Variants in PPP1R7 observed in about 807,000 individuals in gnomAD.
The protein encoded by PPP1R7 is protein phosphatase 1 regulatory subunit 7.
In PPP1R7, 18 loss-of-function variants were observed where a neutral mutation model predicts 45.2. The observed-to-expected ratio is 0.40, with a 90% CI of 0.28 to 0.59. The LOEUF (loss-of-function observed/expected upper bound fraction) is 0.59. PPP1R7 is among the 20% of genes least tolerant of loss of function. PPP1R7 has a pLI of 0.46. For synonymous variants in PPP1R7, 181 were observed against 183.4 expected (o/e 0.99, Z 0.11); for missense variants, 314 against 455.8 (o/e 0.69, Z 2.83).
Position 241,182,901 on chromosome 2 carries a change from C to G in PPP1R7, c.*78C>G. 1 of 1,495,452 alleles carries G rather than the reference C, an allele frequency of 6.7e-7. No homozygotes were observed. Among genetic ancestry groups the G allele is most frequent in the East Asian group, 2.3e-5 (1 of 42,592 alleles). 92.6% of individuals were successfully genotyped at this position (1,495,452 alleles called of 1,614,324 possible). A position where few individuals can be genotyped will look rare whatever the true frequency, so the allele number is the denominator to read the frequency against. The stretch of plus-strand genomic sequence containing the variant: ...CGGGTTTTTAACCCACCTGTTGCTC[C>G]TGAGGTCGTCACTATATCAACAGTC... On this transcript the variant is annotated 3_prime_UTR_variant, in exon 10 of 10. Coordinates refer to ENST00000234038, the MANE Select transcript of PPP1R7 (RefSeq NM_002712.3).
intron 8 of PPP1R7, among the ~76,000 whole-genome samples, chr2:241,168,984 G>A (rs1328285356): frequency 1.3e-5 from 2 of 152,216 alleles, no homozygotes; most frequent in Non-Finnish European, 2.9e-5. Flanking sequence ...AATGAACTTT[G>A]TCAGAGGTTC....
chr2:241,175,128 T>C (rs556627408), intron 9 of PPP1R7, among the ~76,000 whole-genome samples: 5 of 152,340 alleles, frequency 3.3e-5, no homozygotes, highest in Admixed American at 3.3e-4. Flanking sequence ...GCAGGGAAAT[T>C]AGTGTTTGGT....
chr2:241,151,507 G>A, intron 1 of PPP1R7: 1 of 471,224 alleles, frequency 2.1e-6, no homozygotes. Context: ...TAGGGTGAGG[G>A]AAAAGAGCAA....
Position 241,153,516 on chromosome 2 carries a change from A to G in PPP1R7, c.93A>G (p.Glu31=), listed in dbSNP as rs1218462254. 1.2e-6 allele frequency: 2 copies of G among 1,614,246 alleles called. No individual in the cohort carries two copies. Among genetic ancestry groups the G allele is most frequent in the South Asian group, 2.2e-5 (2 of 91,084 alleles). Residue 31 remains glutamate, a synonymous_variant, in exon 2 of 10, where the codon GAA becomes GAG. Coordinates refer to ENST00000234038, the MANE Select transcript of PPP1R7 (RefSeq NM_002712.3). The part of the protein sequence containing the change: ...RVESEESGDE[E]GKKHSSGIVA... The stretch of plus-strand genomic sequence containing the variant: ...AGTCTGAAGAATCCGGCGATGAAGA[A>G]GGGAAGAAACACAGCAGTGGCATCG...
rs145739125 is a variant in PPP1R7 at position 241,165,128 on chromosome 2, G to T, written c.715-1209G>T. Reference sequence around the variant, plus strand: ...TTACACTTTAAAATTATTAAATCAGGTAAACCTTCACCAAATGTATCTTTT... The same window carrying T: ...TTACACTTTAAAATTATTAAATCAGTTAAACCTTCACCAAATGTATCTTTT... On this transcript the variant is annotated intron_variant, in intron 7 of 9. Coordinates refer to ENST00000234038, the MANE Select transcript of PPP1R7 (RefSeq NM_002712.3). 1.4e-4 allele frequency among the ~76,000 whole-genome samples: 22 copies of T among 152,220 alleles called. No homozygotes were observed. In the East Asian group the frequency reaches 4.0e-3, roughly 28 times the overall value.
intron 9 of PPP1R7, among the ~76,000 whole-genome samples, chr2:241,170,420 A>G (rs2067792445): frequency 6.6e-6 from 1 of 152,206 alleles, no homozygotes; most frequent in African/African-American, 2.4e-5. Context: ...AACAGAATAT[A>G]AGAAGTTTTT....
rs1172545435 is a variant in PPP1R7 at position 241,183,258 on chromosome 2, G to A, written c.*435G>A. ...TGGTGTGCAGGGTTCAGGCAGTCTTGACCTGCAACAACCGAGGTTTTTTAG... is the reference window on the plus strand; with the variant it reads ...TGGTGTGCAGGGTTCAGGCAGTCTTAACCTGCAACAACCGAGGTTTTTTAG... On this transcript the variant is annotated 3_prime_UTR_variant, in exon 10 of 10. Coordinates refer to ENST00000234038, the MANE Select transcript of PPP1R7 (RefSeq NM_002712.3). 2.5e-6 allele frequency: 1 copy of A among 403,494 alleles called. No individual in the cohort carries two copies. The highest frequency in any genetic ancestry group is 5.1e-6 in the Non-Finnish European group (1 of 197,720). The allele number at this position is 403,494 out of a possible 1,614,324, so 25.0% of individuals were successfully genotyped here.
chr2:241,157,706 T>G, intron 2 of PPP1R7, 101 bp from the exon 3 acceptor site: 1 of 1,172,916 alleles, frequency 8.5e-7, no homozygotes, highest in Non-Finnish European at 1.2e-6. Context: ...TTGAGCTGGC[T>G]CTGGGCACCA....
rs78195804 is a variant in PPP1R7 at position 241,157,071 on chromosome 2, C to T, written c.182-736C>T. ...AAGTGCTTAACAGGGAAGCTGTCGC[C>T]TCAGCAGGGAGAGCAGCTCTCTCCC... On this transcript the variant is annotated intron_variant, in intron 2 of 9. Transcript: ENST00000234038. Among the ~76,000 whole-genome samples, 219 of 152,262 alleles carry T rather than the reference C, an allele frequency of 1.4e-3. 7 individuals are homozygous for T. The East Asian group carries it at 0.039, about 27-fold the overall frequency.
At chr2:241,163,499 G>T in intron 7 of PPP1R7, 98 bp downstream of exon 7, 2 of 820,944 alleles carry the variant, frequency 2.4e-6, no homozygotes, top group South Asian at 3.2e-5. Flanking sequence ...CTTCACAATT[G>T]GCACTTCGTT....
intron 9 of PPP1R7, 48 bp downstream of exon 9, chr2:241,169,915 C>G (rs376747668): frequency 2.9e-6 from 4 of 1,400,228 alleles, no homozygotes; most frequent in Admixed American, 1.7e-5. Context: ...CTAAACTGGT[C>G]TCACTGATTA....
At chr2:241,166,297 T>A in intron 7 of PPP1R7, 40 bp from the exon 8 acceptor site, 1 of 1,521,888 alleles carries the variant, frequency 6.6e-7, no homozygotes, top group Non-Finnish European at 9.1e-7. Flanking sequence ...TTTCATACCT[T>A]CTGTACTGTT....
In PPP1R7 at chr2:241,182,972, G is replaced by A. The variant is rs1559431621; in HGVS notation, c.*149G>A. On this transcript the variant is annotated 3_prime_UTR_variant, in exon 10 of 10. Transcript: ENST00000234038. The stretch of plus-strand genomic sequence containing the variant: ...GGCACTGACGATAGCTGGCGCGCGC[G>A]ACGTCACACACCATTTTCAGATGCC... 9 of 834,268 alleles carry A rather than the reference G, an allele frequency of 1.1e-5. No homozygotes were observed. The highest frequency in any genetic ancestry group is 2.7e-5 in the East Asian group (1 of 37,082). The allele number at this position is 834,268 out of a possible 1,614,324, so 51.7% of individuals were successfully genotyped here. A position where few individuals can be genotyped will look rare whatever the true frequency, so the allele number is the denominator to read the frequency against.
chr2:241,162,773 C>T (rs1414190978), intron 6 of PPP1R7, among the ~76,000 whole-genome samples: 1 of 151,488 alleles, frequency 6.6e-6, no homozygotes, highest in Admixed American at 6.6e-5. Flanking sequence ...AGCTCTGCCT[C>T]CTGGGTTCAC....
chr2:241,166,814 C>T (rs118134803), intron 8 of PPP1R7, among the ~76,000 whole-genome samples: 2,262 of 152,322 alleles, frequency 0.015, 82 homozygotes, highest in East Asian at 0.1. Flanking sequence ...GTAAAGGGCC[C>T]TGTATGAGGG....
intron 4 of PPP1R7, 170 bp from the exon 5 acceptor site, chr2:241,159,043 T>C (rs1172049948): frequency 2.6e-6 from 2 of 766,824 alleles, no homozygotes; most frequent in Non-Finnish European, 2.1e-6. Flanking sequence ...TATAGCTTAG[T>C]GCCCTTGCCC....
chr2:241,154,854 G>T (rs1175401976), intron 2 of PPP1R7, among the ~76,000 whole-genome samples: 1 of 152,230 alleles, frequency 6.6e-6, no homozygotes, highest in East Asian at 1.9e-4. Context: ...TACAGTGTAT[G>T]AATAATCATG....
chr2:241,149,690 C>G, upstream of PPP1R7: 1 of 1,550,176 alleles, frequency 6.5e-7, no homozygotes, highest in Admixed American at 1.9e-5. Flanking sequence ...GGTTTCCTCC[C>G]GACTCGCGAT....
intron 3 of PPP1R7, 131 bp from the exon 4 acceptor site, chr2:241,158,353 C>T: frequency 5.2e-6 from 4 of 773,442 alleles, no homozygotes; most frequent in Non-Finnish European, 6.8e-6. Flanking sequence ...TTGTCACTGA[C>T]ATCTGTCTGC....
Sources: gnomAD v4.1 joint callset for allele counts (sites outside exome capture counted in the v4.1 genomes callset) on GRCh38, gnomAD v4.1.1 for gene constraint, MANE v1.5 for transcripts, NCBI Gene and HGNC (gene_info 2026-07-23, HGNC 2026-07-21) for gene names.